The following RASGRF1 variants were observed in gnomAD, a reference collection of about 807,000 sequenced individuals.
The protein encoded by RASGRF1 is Ras protein specific guanine nucleotide releasing factor 1, also known as ras-specific guanine nucleotide-releasing factor 1.
RASGRF1 carries 40 observed loss-of-function variants against 138.7 expected under a neutral mutation model. That is an observed-to-expected ratio of 0.29 (90% CI 0.22 to 0.38). The LOEUF is 0.38. RASGRF1 is among the 10% of genes least tolerant of loss of function. RASGRF1 has a pLI of 1.00. For missense variants in RASGRF1, 1,108 were observed against 1,650.4 expected (o/e 0.67, Z 5.69); for synonymous variants, 614 against 663.2 (o/e 0.93, Z 1.14).
At chr15:79,045,176 C>G (rs1325229634) in intron 5 of RASGRF1, among the ~76,000 whole-genome samples, 3 of 152,218 alleles carry the variant, frequency 2.0e-5, no homozygotes, top group Middle Eastern at 3.2e-3. Context: ...TTGGTGCCAT[C>G]TGGGACCAGT....
intron 9 of RASGRF1, among the ~76,000 whole-genome samples, chr15:79,025,927 A>T (rs1457847783): frequency 3.4e-4 from 4 of 11,608 alleles, no homozygotes; most frequent in Non-Finnish European, 1.1e-3. Flanking sequence ...ACTAAGATTT[A>T]AAAAAAAAAA....
intron 24 of RASGRF1, among the ~76,000 whole-genome samples, chr15:78,974,185 G>T (rs2055827493): frequency 6.6e-6 from 1 of 152,188 alleles, no homozygotes. Context: ...TGCTGGGTAA[G>T]GGTTGATGGA....
intron 5 of RASGRF1, among the ~76,000 whole-genome samples, chr15:79,041,340 A>G (rs2057294808): frequency 6.6e-6 from 1 of 152,266 alleles, no homozygotes; most frequent in Non-Finnish European, 1.5e-5. Context: ...TGGTGCTCCC[A>G]GAATTGTGCA....
At chr15:79,070,344 A>C (rs1295641456) in intron 1 of RASGRF1, among the ~76,000 whole-genome samples, 3 of 152,228 alleles carry the variant, frequency 2.0e-5, no homozygotes, top group Admixed American at 2.0e-4. Context: ...TATAACTGGG[A>C]AAAAAGGGAG....
intron 10 of RASGRF1, among the ~76,000 whole-genome samples, chr15:79,020,783 G>T (rs1426961868): frequency 6.6e-6 from 1 of 152,262 alleles, no homozygotes; most frequent in Non-Finnish European, 1.5e-5. Flanking sequence ...TGTGGTGGTT[G>T]TAAGACATGT....
At chr15:78,964,640 C>T (rs1459505540) in intron 26 of RASGRF1, among the ~76,000 whole-genome samples, 3 of 152,218 alleles carry the variant, frequency 2.0e-5, no homozygotes, top group Admixed American at 2.0e-4. Context: ...CTCTGTGGTT[C>T]TCAGGCTGGA....
In RASGRF1 at chr15:79,015,417, C is replaced by G. The variant is rs2056864875; in HGVS notation, c.1744-8G>C. 6.2e-7 allele frequency: 1 copy of G among 1,611,042 alleles called. No individual in the cohort carries two copies. The highest frequency in any genetic ancestry group is 2.2e-5 in the East Asian group (1 of 44,874). ...TCGGATGTTATCCACACACTGGAATCAGAGAGAGGACCCCAGGGTCAGAGC... is the reference window on the plus strand; with the variant it reads ...TCGGATGTTATCCACACACTGGAATGAGAGAGAGGACCCCAGGGTCAGAGC... On this transcript the variant is annotated splice_region_variant and splice_polypyrimidine_tract_variant and intron_variant, in intron 12 of 26. Coordinates refer to ENST00000558480, the MANE Select transcript of RASGRF1 (RefSeq NM_001145648.3).
chr15:78,964,830 T>C (rs2055611609), intron 26 of RASGRF1, among the ~76,000 whole-genome samples: 1 of 152,192 alleles, frequency 6.6e-6, no homozygotes, highest in African/African-American at 2.4e-5. Context: ...ATCGTCTCGT[T>C]CTTAGAATAC....
At chr15:78,979,071 GC>G in intron 24 of RASGRF1, 1 of 1,290,492 alleles carries the variant, frequency 7.7e-7, no homozygotes. Context: ...ATGGAGTGGT[GC>G]CCCGGGGGCG....
intron 18 of RASGRF1, 90 bp from the exon 19 acceptor site, chr15:78,998,298 T>C: frequency 1.8e-6 from 2 of 1,113,072 alleles, no homozygotes; most frequent in South Asian, 2.6e-5. Context: ...GGAGCTCCAG[T>C]TTCTATTCTG....
chr15:79,005,974 C>A (rs919279897), intron 14 of RASGRF1, among the ~76,000 whole-genome samples: 3 of 152,112 alleles, frequency 2.0e-5, no homozygotes, highest in Admixed American at 6.5e-5. Flanking sequence ...AGCAGTAGCA[C>A]CAGGCAGGTG....
intron 6 of RASGRF1, among the ~76,000 whole-genome samples, chr15:79,033,810 G>A (rs1211865310): frequency 1.3e-5 from 2 of 151,812 alleles, no homozygotes; most frequent in African/African-American, 2.4e-5. Flanking sequence ...GGCTGGTCTC[G>A]AACTCTTGAC....
chr15:79,088,009 C>T (rs966139581), intron 1 of RASGRF1, among the ~76,000 whole-genome samples: 11 of 152,200 alleles, frequency 7.2e-5, no homozygotes, highest in African/African-American at 2.4e-4. Flanking sequence ...ATGAGTGCAT[C>T]TCATCAATTA....
At chr15:79,049,987 T>G (rs963196015) in intron 3 of RASGRF1, among the ~76,000 whole-genome samples, 1 of 152,218 alleles carries the variant, frequency 6.6e-6, no homozygotes, top group African/African-American at 2.4e-5. Flanking sequence ...TTTGCTGTGA[T>G]AAAACACATG....
intron 1 of RASGRF1, among the ~76,000 whole-genome samples, chr15:79,065,009 G>C (rs1197684694): frequency 6.6e-6 from 1 of 152,322 alleles, no homozygotes; most frequent in East Asian, 1.9e-4. Context: ...CTCTGTGTTG[G>C]GTGCAGGTGA....
At chr15:78,971,132 C>T (rs2141596695) in intron 26 of RASGRF1, among the ~76,000 whole-genome samples, 1 of 152,306 alleles carries the variant, frequency 6.6e-6, no homozygotes, top group Non-Finnish European at 1.5e-5. Flanking sequence ...TTCTCCTACT[C>T]CAGTAAGGCT....
At chr15:78,987,724 C>A (rs1231238068) in intron 22 of RASGRF1, among the ~76,000 whole-genome samples, 1 of 146,282 alleles carries the variant, frequency 6.8e-6, no homozygotes, top group Non-Finnish European at 1.5e-5. Context: ...CAAAAAAAAC[C>A]AAAAAACCCC....
chr15:79,065,269 G>C (rs2057662775), intron 1 of RASGRF1, among the ~76,000 whole-genome samples: 1 of 152,204 alleles, frequency 6.6e-6, no homozygotes, highest in African/African-American at 2.4e-5. Context: ...CTTATCCCAG[G>C]GAGATCAGGA....
At chr15:79,028,453 C>T (rs1247452220) in intron 8 of RASGRF1, among the ~76,000 whole-genome samples, 1 of 152,214 alleles carries the variant, frequency 6.6e-6, no homozygotes, top group Non-Finnish European at 1.5e-5. Context: ...TGACCTTAGC[C>T]TACTTCTGTA....
Sources: gnomAD v4.1 joint callset for allele counts (sites outside exome capture counted in the v4.1 genomes callset) on GRCh38, gnomAD v4.1.1 for gene constraint, MANE v1.5 for transcripts, NCBI Gene and HGNC (gene_info 2026-07-23, HGNC 2026-07-21) for gene names.